NR3C2: variants seen among roughly 807,000 people sequenced by gnomAD.
NR3C2 encodes nuclear receptor subfamily 3 group C member 2, also known as mineralocorticoid receptor.
In NR3C2, 15 loss-of-function variants were observed where a neutral mutation model predicts 86.4. That is an observed-to-expected ratio of 0.17 (90% CI 0.12 to 0.27). The LOEUF (loss-of-function observed/expected upper bound fraction) is 0.27, where lower values mean the gene tolerates loss of function less well. Among genes scored for constraint, NR3C2 ranks in the 10% least tolerant of loss-of-function variants. NR3C2 has a pLI of 1.00. For missense variants in NR3C2, 960 were observed against 1,195.6 expected, an observed-to-expected ratio of 0.80 and a Z score of 2.91; for synonymous variants, 458 against 450.5, an observed-to-expected ratio of 1.02 and a Z score of -0.21.
At chr4:148,111,339 G>A (rs1465638468) in intron 8 of NR3C2, among the ~76,000 whole-genome samples, 1 of 152,214 alleles carries the variant, frequency 6.6e-6, no homozygotes, top group East Asian at 1.9e-4. Context: ...GAGTTGGCAA[G>A]GGTATGGAGC....
At chr4:148,427,470 C>T (rs1413488283) in intron 2 of NR3C2, among the ~76,000 whole-genome samples, 5 of 151,834 alleles carry the variant, frequency 3.3e-5, no homozygotes, top group African/African-American at 1.2e-4. Flanking sequence ...TTGGGTCTAT[C>T]AAGCCCAAGG....
At chr4:148,095,767 G>T (rs1228577762) in intron 8 of NR3C2, among the ~76,000 whole-genome samples, 1 of 152,196 alleles carries the variant, frequency 6.6e-6, no homozygotes, top group Non-Finnish European at 1.5e-5. Flanking sequence ...TCTGTCCAGT[G>T]CCTGCCCAGG....
intron 2 of NR3C2, among the ~76,000 whole-genome samples, chr4:148,317,650 C>A (rs1743267976): frequency 1.3e-5 from 2 of 151,972 alleles, no homozygotes; most frequent in Admixed American, 1.3e-4. Flanking sequence ...AGATGATGTT[C>A]AGTTTTAATT....
intron 4 of NR3C2, among the ~76,000 whole-genome samples, chr4:148,166,599 T>G (rs1039036053): frequency 2.0e-5 from 3 of 152,206 alleles, no homozygotes; most frequent in Non-Finnish European, 2.9e-5. Flanking sequence ...TTTCTATCAT[T>G]TAGTCATACC....
chr4:148,429,182 T>C (rs1168665142), intron 2 of NR3C2, among the ~76,000 whole-genome samples: 1 of 152,172 alleles, frequency 6.6e-6, no homozygotes, highest in East Asian at 1.9e-4. Context: ...TTCCAAGACT[T>C]GCCCATATAA....
intron 2 of NR3C2, among the ~76,000 whole-genome samples, chr4:148,299,548 T>C (rs542296877): frequency 1.9e-4 from 29 of 152,332 alleles, no homozygotes; most frequent in Admixed American, 3.3e-4. Flanking sequence ...CTGGGGCACA[T>C]GGCCCAAAGG....
chr4:148,155,560 T>C (rs1364975038), intron 4 of NR3C2, among the ~76,000 whole-genome samples: 3 of 152,110 alleles, frequency 2.0e-5, no homozygotes, highest in South Asian at 2.1e-4. Context: ...TTACAAGGGA[T>C]GTGAAGGACC....
intron 3 of NR3C2, among the ~76,000 whole-genome samples, chr4:148,225,129 C>T (rs1006735005): frequency 6.6e-6 from 1 of 152,122 alleles, no homozygotes; most frequent in Non-Finnish European, 1.5e-5. Context: ...TATTATTCCT[C>T]TCTTTCTCCT....
chr4:148,332,300 AG>A (rs1451954493), intron 2 of NR3C2, among the ~76,000 whole-genome samples: 3 of 152,238 alleles, frequency 2.0e-5, no homozygotes, highest in Non-Finnish European at 4.4e-5. Context: ...CTGAGATTAT[AG>A]TACTTATAAT....
intron 3 of NR3C2, among the ~76,000 whole-genome samples, chr4:148,203,419 G>T (rs1736831746): frequency 6.7e-6 from 1 of 150,130 alleles, no homozygotes; most frequent in African/African-American, 2.4e-5. Context: ...CATTTTTAAA[G>T]ATCCATTTGT....
intron 4 of NR3C2, among the ~76,000 whole-genome samples, chr4:148,192,860 G>A (rs1202723189): frequency 6.6e-6 from 1 of 151,904 alleles, no homozygotes; most frequent in Non-Finnish European, 1.5e-5. Context: ...CTGTTTCCAG[G>A]GAGAGGGCAA....
chr4:148,429,964 T>C (rs1300598492), intron 2 of NR3C2, among the ~76,000 whole-genome samples: 1 of 152,206 alleles, frequency 6.6e-6, no homozygotes, highest in African/African-American at 2.4e-5. Context: ...AAAAAAGTAC[T>C]ACTTTGCAGA....
At chr4:148,352,329 T>C (rs1055638316) in intron 2 of NR3C2, among the ~76,000 whole-genome samples, 7 of 151,654 alleles carry the variant, frequency 4.6e-5, no homozygotes, top group Admixed American at 4.6e-4. Context: ...CTCTTTTCTG[T>C]GTTAACTAAA....
intron 6 of NR3C2, chr4:148,146,591 A>C (rs759818242): frequency 4.6e-5 from 7 of 152,314 alleles, no homozygotes; most frequent in Non-Finnish European, 8.8e-5. Flanking sequence ...GCCGATGGCA[A>C]CTGAGTTGTG....
chr4:148,260,602 T>G (rs1333358133), intron 2 of NR3C2, among the ~76,000 whole-genome samples: 1 of 152,228 alleles, frequency 6.6e-6, no homozygotes, highest in Non-Finnish European at 1.5e-5. Flanking sequence ...TTAAAAAAAT[T>G]TTATCTTGTC....
At chr4:148,136,522 G>C (rs966744094) in intron 6 of NR3C2, among the ~76,000 whole-genome samples, 1 of 152,048 alleles carries the variant, frequency 6.6e-6, no homozygotes, top group African/African-American at 2.4e-5. Flanking sequence ...AGCATCTCAC[G>C]CCTGGATTGT....
At chr4:148,406,674 C>T (rs1008121381) in intron 2 of NR3C2, among the ~76,000 whole-genome samples, 2 of 151,906 alleles carry the variant, frequency 1.3e-5, no homozygotes, top group Non-Finnish European at 1.5e-5. Flanking sequence ...AATAGGAGGC[C>T]GGTAAAAGCT....
At chr4:148,390,169 CAAGTATA>C in intron 2 of NR3C2, among the ~76,000 whole-genome samples, 2 of 112,290 alleles carry the variant, frequency 1.8e-5, no homozygotes, top group African/African-American at 3.4e-5. Flanking sequence ...AGGAACCCTT[CAAGTATA>C]CATTCCTTAA....
At chr4:148,260,189 A>G in intron 2 of NR3C2, 72 bp from the exon 3 acceptor site, 1 of 1,582,674 alleles carries the variant, frequency 6.3e-7, no homozygotes, top group Non-Finnish European at 8.6e-7. Flanking sequence ...AGCTTAGCTC[A>G]AAATTTGTCA....
Sources: gnomAD v4.1 joint callset for allele counts (sites outside exome capture counted in the v4.1 genomes callset) on GRCh38, gnomAD v4.1.1 for gene constraint, MANE v1.5 for transcripts, NCBI Gene and HGNC (gene_info 2026-07-23, HGNC 2026-07-21) for gene names.